Variants in CHLSN observed in about 807,000 individuals in gnomAD.
CHLSN encodes the protein protein cholesin.
the CHLSN span, among the ~76,000 whole-genome samples, chr7:1,040,568 A>G: frequency 1.8e-3 from 267 of 152,356 alleles, no homozygotes; most frequent in Admixed American, 3.7e-3. Flanking sequence ...ATCTATTTAA[A>G]TGTCAAATGT....
the CHLSN span, chr7:1,026,898 G>T: frequency 6.6e-6 from 1 of 152,290 alleles, no homozygotes; most frequent in South Asian, 2.1e-4. Flanking sequence ...TGTGCTCTGT[G>T]CTGTCAGGAA....
the CHLSN span, among the ~76,000 whole-genome samples, chr7:1,096,845 G>C: frequency 6.6e-6 from 1 of 152,208 alleles, no homozygotes; most frequent in African/African-American, 2.4e-5. This position sits in a 1 kb window ranked among gnomAD's most constrained non-coding sequence, Gnocchi z 4.6. Context: ...GCTCACTAAT[G>C]CTCACGCGCC....
At chr7:999,488 T>C in the CHLSN span, among the ~76,000 whole-genome samples, 1 of 150,390 alleles carries the variant, frequency 6.6e-6, no homozygotes, top group East Asian at 1.9e-4. Context: ...GGAGGGAGAG[T>C]GGCTTGAGCC....
chr7:1,055,584 GGA>G, the CHLSN span: 1 of 380,376 alleles, frequency 2.6e-6, no homozygotes, highest in South Asian at 1.9e-5. Context: ...AGCACAGGTG[GGA>G]GAGAGGACGC....
the CHLSN span, among the ~76,000 whole-genome samples, chr7:1,079,711 G>C: frequency 1.3e-5 from 2 of 152,166 alleles, no homozygotes; most frequent in Non-Finnish European, 2.9e-5. Flanking sequence ...GAGGGCTCAG[G>C]GGCAGGGGTG....
the CHLSN span, among the ~76,000 whole-genome samples, chr7:1,038,902 C>T: frequency 5.9e-5 from 4 of 68,172 alleles, no homozygotes; most frequent in Non-Finnish European, 1.2e-4. Context: ...GCCCTCCGCC[C>T]GGCCAGCCGC....
the CHLSN span, chr7:1,091,653 T>C: frequency 2.8e-6 from 3 of 1,089,578 alleles, no homozygotes; most frequent in South Asian, 3.1e-5. Context: ...CGCTTCTTTC[T>C]AAAGATGGAT....
At chr7:1,061,807 C>T in the CHLSN span, among the ~76,000 whole-genome samples, 5 of 146,784 alleles carry the variant, frequency 3.4e-5, no homozygotes, top group South Asian at 6.2e-4. Context: ...GCCATCTCCC[C>T]GACTCCCCAA....
chr7:1,026,490 C>G, the CHLSN span: 1 of 152,356 alleles, frequency 6.6e-6, no homozygotes, highest in African/African-American at 2.4e-5. Context: ...CGCTAACTAG[C>G]AGTCGGAGGC....
the CHLSN span, among the ~76,000 whole-genome samples, chr7:990,375 C>T: frequency 6.6e-6 from 1 of 150,796 alleles, no homozygotes; most frequent in East Asian, 2.0e-4. Context: ...GACAGTGGCG[C>T]GTGTGCTGGG....
the CHLSN span, among the ~76,000 whole-genome samples, chr7:1,016,581 G>C: frequency 6.0e-5 from 8 of 134,072 alleles, no homozygotes; most frequent in Non-Finnish European, 1.1e-4. Flanking sequence ...GTACACAGCA[G>C]CACACAGCAC....
the CHLSN span, among the ~76,000 whole-genome samples, chr7:987,918 ATCCCCTGTGTGTCCTGGGGGGG>A: frequency 9.8e-6 from 1 of 101,948 alleles, no homozygotes; most frequent in African/African-American, 4.8e-5. Context: ...TGTCCTGGGG[ATCCCCTGTGTGTCCTGGGGGGG>A]TCCCCTGTGT....
At chr7:1,007,879 T>C in the CHLSN span, among the ~76,000 whole-genome samples, 1 of 152,030 alleles carries the variant, frequency 6.6e-6, no homozygotes, top group Non-Finnish European at 1.5e-5. Context: ...GGAGGGTGTG[T>C]GATCATGGGA....
the CHLSN span, among the ~76,000 whole-genome samples, chr7:1,071,665 G>A: frequency 1.3e-5 from 2 of 152,226 alleles, no homozygotes; most frequent in African/African-American, 4.8e-5. Flanking sequence ...GGCACCGGGT[G>A]GGAGGGGTCA....
chr7:1,040,542 T>G, the CHLSN span, among the ~76,000 whole-genome samples: 9 of 152,040 alleles, frequency 5.9e-5, no homozygotes, highest in Admixed American at 2.0e-4. Context: ...TCACAAAAAA[T>G]GAACTCAAAT....
At chr7:1,087,712 T>C in the CHLSN span, among the ~76,000 whole-genome samples, 7 of 152,274 alleles carry the variant, frequency 4.6e-5, no homozygotes, top group Non-Finnish European at 7.3e-5. Flanking sequence ...TGCAAATGTC[T>C]GTGAAATTCC....
At chr7:1,080,056 AG>A in the CHLSN span, among the ~76,000 whole-genome samples, 1 of 152,206 alleles carries the variant, frequency 6.6e-6, no homozygotes, top group East Asian at 1.9e-4. Flanking sequence ...CCCTCCTCCC[AG>A]GGAATTCCAG....
chr7:1,060,447 G>A, the CHLSN span, among the ~76,000 whole-genome samples: 1 of 152,184 alleles, frequency 6.6e-6, no homozygotes, highest in African/African-American at 2.4e-5. Flanking sequence ...CCCACAGCCT[G>A]AACGCGCTGG....
chr7:1,080,016 G>A, the CHLSN span, among the ~76,000 whole-genome samples: 16 of 152,282 alleles, frequency 1.1e-4, no homozygotes, highest in African/African-American at 3.6e-4. Flanking sequence ...GCCGGAAACC[G>A]GCCACCAAAA....
Sources: allele counts gnomAD v4.1 joint callset (sites outside exome capture counted in the v4.1 genomes callset), GRCh38; gene constraint gnomAD v4.1.1; non-coding constraint Gnocchi (gnomAD v3.1); transcripts MANE v1.5; gene names NCBI Gene and HGNC (gene_info 2026-07-23, HGNC 2026-07-21).